DLG2: variants seen among roughly 807,000 people sequenced by gnomAD.
DLG2 encodes discs large MAGUK scaffold protein 2.
In DLG2, 45 loss-of-function variants were observed where a neutral mutation model predicts 132.5. The ratio of observed to expected loss-of-function variants is 0.34; its 90% CI spans 0.27 to 0.44. The LOEUF (loss-of-function observed/expected upper bound fraction) is 0.44. DLG2 is among the 20% of genes least tolerant of loss of function. The pLI is 1.00. For synonymous variants in DLG2, 424 were observed against 419.6 expected, an observed-to-expected ratio of 1.01 and a Z score of -0.13; for missense variants, 1,045 against 1,196.9, an observed-to-expected ratio of 0.87 and a Z score of 1.87.
At chr11:85,571,528 A>C (rs1409383118) in intron 3 of DLG2, among the ~76,000 whole-genome samples, 1 of 152,178 alleles carries the variant, frequency 6.6e-6, no homozygotes, top group Non-Finnish European at 1.5e-5. Context: ...TAGCCTTCAT[A>C]TTCTGATTCT....
chr11:84,268,490 C>T (rs1474456318), intron 7 of DLG2, among the ~76,000 whole-genome samples: 1 of 142,996 alleles, frequency 7.0e-6, no homozygotes, highest in Non-Finnish European at 1.5e-5. Flanking sequence ...GAGACAGAGT[C>T]TCGCTCTGTC....
chr11:84,185,312 T>C (rs1389985564), intron 8 of DLG2, among the ~76,000 whole-genome samples: 6 of 152,148 alleles, frequency 3.9e-5, no homozygotes, highest in African/African-American at 1.4e-4. Flanking sequence ...GATTCCTAGG[T>C]ATTTTATTCT....
At chr11:83,794,093 G>A (rs2042202982) in intron 17 of DLG2, among the ~76,000 whole-genome samples, 1 of 152,192 alleles carries the variant, frequency 6.6e-6, no homozygotes, top group South Asian at 2.1e-4. Flanking sequence ...GCTCTAATAT[G>A]TGAGTTTGTT....
At chr11:83,913,449 G>A (rs1341204910) in intron 15 of DLG2, among the ~76,000 whole-genome samples, 2 of 152,048 alleles carry the variant, frequency 1.3e-5, no homozygotes, top group African/African-American at 4.8e-5. Flanking sequence ...AATTAAAACA[G>A]AGTCCTTGAA....
At chr11:83,945,053 G>T (rs1411640595) in intron 14 of DLG2, among the ~76,000 whole-genome samples, 1 of 152,084 alleles carries the variant, frequency 6.6e-6, no homozygotes, top group African/African-American at 2.4e-5. Context: ...TCACTATATG[G>T]TCACAAATAC....
chr11:84,456,333 G>A (rs1184068710), intron 7 of DLG2, among the ~76,000 whole-genome samples: 1 of 151,242 alleles, frequency 6.6e-6, no homozygotes, highest in East Asian at 1.9e-4. Flanking sequence ...AAATAGACTT[G>A]TGTTTCTTTT....
intron 6 of DLG2, among the ~76,000 whole-genome samples, chr11:84,983,650 G>A (rs974950583): frequency 2.0e-5 from 3 of 152,110 alleles, no homozygotes; most frequent in African/African-American, 7.2e-5. Flanking sequence ...AAGAATTGCT[G>A]ATTTTTCTGA....
chr11:85,131,684 G>T (rs936989832), intron 5 of DLG2, among the ~76,000 whole-genome samples: 1 of 152,014 alleles, frequency 6.6e-6, no homozygotes, highest in Non-Finnish European at 1.5e-5. Flanking sequence ...GTGATATTAG[G>T]CCATATGGGA....
intron 7 of DLG2, among the ~76,000 whole-genome samples, chr11:84,452,313 A>G (rs2099053845): frequency 6.6e-6 from 1 of 151,776 alleles, no homozygotes; most frequent in Admixed American, 6.6e-5. Flanking sequence ...AGGTGAAGGA[A>G]GAAGTGTGGA....
chr11:84,618,790 G>A (rs1041112155), intron 6 of DLG2, among the ~76,000 whole-genome samples: 6 of 152,006 alleles, frequency 3.9e-5, no homozygotes, highest in Non-Finnish European at 8.8e-5. Context: ...ACTACTATGA[G>A]TGACAAAGTG....
chr11:84,075,516 T>C (rs34012933), intron 10 of DLG2, among the ~76,000 whole-genome samples: 5,295 of 152,308 alleles, frequency 0.035, 143 homozygotes, highest in Non-Finnish European at 0.055. Context: ...TAATAAAATA[T>C]ATGCAATTTT....
At chr11:84,382,422 A>T (rs2154434472) in intron 7 of DLG2, among the ~76,000 whole-genome samples, 1 of 152,220 alleles carries the variant, frequency 6.6e-6, no homozygotes, top group East Asian at 1.9e-4. Context: ...TGATGAAAAA[A>T]ATTACCCAAG....
intron 4 of DLG2, among the ~76,000 whole-genome samples, chr11:85,263,178 C>T (rs1414991597): frequency 6.6e-6 from 1 of 152,234 alleles, no homozygotes; most frequent in Non-Finnish European, 1.5e-5. Flanking sequence ...ATGAATACTG[C>T]ATGAGCAACC....
intron 6 of DLG2, among the ~76,000 whole-genome samples, chr11:85,103,495 C>T (rs548735398): frequency 1.3e-5 from 2 of 151,920 alleles, no homozygotes; most frequent in African/African-American, 2.4e-5. Flanking sequence ...AGGGACAACT[C>T]GATGGAGGAA....
intron 6 of DLG2, among the ~76,000 whole-genome samples, chr11:84,748,026 A>G (rs1314843186): frequency 6.6e-6 from 1 of 152,168 alleles, no homozygotes; most frequent in African/African-American, 2.4e-5. Context: ...CTGTTGCTAC[A>G]GTGCTGATGA....
chr11:85,160,121 CAAG>C (rs1440828136), intron 4 of DLG2, among the ~76,000 whole-genome samples: 9 of 152,164 alleles, frequency 5.9e-5, no homozygotes, highest in Non-Finnish European at 1.3e-4. Flanking sequence ...CTCCTACAAC[CAAG>C]AAGGAGGCAC....
intron 7 of DLG2, among the ~76,000 whole-genome samples, chr11:84,413,267 T>A (rs941388351): frequency 6.6e-6 from 1 of 152,148 alleles, no homozygotes; most frequent in Non-Finnish European, 1.5e-5. Context: ...TGTCTCCACC[T>A]GAATCTGCTG....
intron 7 of DLG2, among the ~76,000 whole-genome samples, chr11:84,313,003 G>A (rs1331663860): frequency 6.6e-6 from 1 of 151,690 alleles, no homozygotes; most frequent in Non-Finnish European, 1.5e-5. Flanking sequence ...GTAGAGACGG[G>A]GCTTCACCAT....
At chr11:85,335,269 A>G (rs1015991411) in intron 3 of DLG2, among the ~76,000 whole-genome samples, 1 of 151,662 alleles carries the variant, frequency 6.6e-6, no homozygotes, top group Non-Finnish European at 1.5e-5. Flanking sequence ...TGTTTGTTTA[A>G]TAAATCTTTT....
Sources: allele counts gnomAD v4.1 joint callset (sites outside exome capture counted in the v4.1 genomes callset), GRCh38; gene constraint gnomAD v4.1.1; transcripts MANE v1.5; gene names NCBI Gene and HGNC (gene_info 2026-07-23, HGNC 2026-07-21).